The following EXOC6B variants were observed in gnomAD, a reference collection of about 807,000 sequenced individuals.
The protein encoded by EXOC6B is SEC15 homolog B.
EXOC6B carries 54 observed loss-of-function variants against 113.5 expected under a neutral mutation model. That is an observed-to-expected ratio of 0.48 (90% confidence interval 0.38 to 0.60). The LOEUF is 0.60. EXOC6B is among the 20% of genes least tolerant of loss of function. EXOC6B has a pLI of 0.00. For synonymous variants in EXOC6B, 357 were observed against 339.0 expected (o/e 1.05, Z -0.58); for missense variants, 797 against 977.5 (o/e 0.82, Z 2.46).
At chr2:72,796,148 G>A (rs1369650205) in intron 1 of EXOC6B, among the ~76,000 whole-genome samples, 1 of 149,296 alleles carries the variant, frequency 6.7e-6, no homozygotes, top group Non-Finnish European at 1.5e-5. Context: ...AAGTGGAAGA[G>A]GAAGACAAAA....
intron 1 of EXOC6B, among the ~76,000 whole-genome samples, chr2:72,754,605 C>CT (rs961356094): frequency 5.6e-4 from 81 of 145,932 alleles, no homozygotes; most frequent in Non-Finnish European, 9.2e-4. Flanking sequence ...TTTTTAATAG[C>CT]TTTTTTTTTT....
At chr2:72,418,363 C>A (rs1347301177) in intron 18 of EXOC6B, among the ~76,000 whole-genome samples, 1 of 152,144 alleles carries the variant, frequency 6.6e-6, no homozygotes, top group Non-Finnish European at 1.5e-5. Flanking sequence ...CTGGCAACCA[C>A]CATTCTGCTT....
chr2:72,266,127 T>G lies in EXOC6B; in HGVS notation c.2196+68820A>C, dbSNP rs954428234. 9.2e-5 allele frequency among the ~76,000 whole-genome samples: 14 copies of G among 152,270 alleles called. No homozygotes were observed. In the East Asian group the frequency reaches 1.2e-3, roughly 13 times the overall value. On this transcript the variant is annotated intron_variant, in intron 20 of 21. Coordinates refer to ENST00000272427, the MANE Select transcript of EXOC6B (RefSeq NM_015189.3). The stretch of plus-strand genomic sequence containing the variant: ...TTTGTTTTTTTCTTGTAAATTTGTT[T>G]GAGTTCATTGTAGATTCTGGATATT...
At chr2:72,341,892 A>G (rs1298121977) in intron 19 of EXOC6B, among the ~76,000 whole-genome samples, 1 of 152,170 alleles carries the variant, frequency 6.6e-6, no homozygotes, top group Non-Finnish European at 1.5e-5. Flanking sequence ...CATCTTAAGT[A>G]CCTTTTCTGA....
chr2:72,338,594 G>T (rs1233479761), intron 19 of EXOC6B, among the ~76,000 whole-genome samples: 1 of 151,964 alleles, frequency 6.6e-6, no homozygotes, highest in South Asian at 2.1e-4. Flanking sequence ...TATAAAATAG[G>T]TATTTTGTAA....
At position 72,344,826 on chromosome 2, in the gene EXOC6B, A is replaced by AG. The variant is rs530326386; in HGVS notation, c.2123-9807dup. ...AAAAGAAAAAAAAATGAAGAGAAGTAGGGGGAAAAAAAAGCACAAGCCCTT... is the reference window on the plus strand; with the variant it reads ...AAAAGAAAAAAAAATGAAGAGAAGTAGGGGGGAAAAAAAAGCACAAGCCCTT... On this transcript the variant is annotated intron_variant, in intron 19 of 21. Transcript: ENST00000272427. Among the ~76,000 whole-genome samples the AG allele has an allele frequency of 3.2e-3, 483 of 152,176 alleles. 5 individuals are homozygous for AG. Among genetic ancestry groups the AG allele is most frequent in the African/African-American group, 0.011 (438 of 41,530 alleles).
chr2:72,383,413 C>G (rs1691811092), intron 18 of EXOC6B, among the ~76,000 whole-genome samples: 3 of 151,976 alleles, frequency 2.0e-5, no homozygotes, highest in Admixed American at 2.0e-4. Context: ...CGTCACCAAT[C>G]ATTAGAGAAA....
chr2:72,458,016 G>C (rs1697353240), intron 18 of EXOC6B, among the ~76,000 whole-genome samples: 1 of 152,040 alleles, frequency 6.6e-6, no homozygotes, highest in Non-Finnish European at 1.5e-5. Flanking sequence ...CTATGTTGCT[G>C]CTGTGATGTG....
At chr2:72,708,896 A>ATTTTTTTT (rs1159794341) in intron 6 of EXOC6B, among the ~76,000 whole-genome samples, 8 of 69,804 alleles carry the variant, frequency 1.1e-4, no homozygotes, top group Non-Finnish European at 1.5e-4. Flanking sequence ...CATCCAGCTA[A>ATTTTTTTT]TTTTTTTTTT....
At chr2:72,298,706 T>C (rs1686307871) in intron 20 of EXOC6B, among the ~76,000 whole-genome samples, 1 of 152,218 alleles carries the variant, frequency 6.6e-6, no homozygotes, top group Admixed American at 6.5e-5. Flanking sequence ...CAGCATTTGC[T>C]TGTCTGTAAA....
At chr2:72,510,637 T>C (rs1472466684) in intron 11 of EXOC6B, among the ~76,000 whole-genome samples, 1 of 151,536 alleles carries the variant, frequency 6.6e-6, no homozygotes, top group Non-Finnish European at 1.5e-5. Context: ...TTTATTTATA[T>C]ATTAAAAAAG....
At chr2:72,757,998 C>T (rs534066716) in intron 1 of EXOC6B, among the ~76,000 whole-genome samples, 3 of 151,814 alleles carry the variant, frequency 2.0e-5, no homozygotes, top group African/African-American at 7.2e-5. Context: ...CCAATCTCTA[C>T]AAAAGGTTAT....
chr2:72,740,630 G>A (rs984983125), intron 2 of EXOC6B, among the ~76,000 whole-genome samples: 2 of 152,110 alleles, frequency 1.3e-5, no homozygotes. Flanking sequence ...GGCCTAGGTG[G>A]CATGCTACAA....
At chr2:72,563,843 G>C (rs1183472577) in intron 7 of EXOC6B, among the ~76,000 whole-genome samples, 1 of 152,008 alleles carries the variant, frequency 6.6e-6, no homozygotes, top group Non-Finnish European at 1.5e-5. Context: ...GGCACATGAG[G>C]AAAACGCCTT....
rs539773718 is a variant in EXOC6B at position 72,423,246 on chromosome 2, C to T, written c.1980+41914G>A. 8.2e-4 allele frequency among the ~76,000 whole-genome samples: 125 copies of T among 152,034 alleles called. 1 individual carries two copies. Among genetic ancestry groups the T allele is most frequent in the African/African-American group, 2.7e-3 (113 of 41,446 alleles). On this transcript the variant is annotated intron_variant, in intron 18 of 21. Coordinates refer to ENST00000272427, the MANE Select transcript of EXOC6B (RefSeq NM_015189.3). The stretch of plus-strand genomic sequence containing the variant: ...TGAGCCAGCGAGACCACGAACCCAC[C>T]AGAAGGAAGAAACTCCGAACACATC...
At chr2:72,365,771 A>G (rs1026451601) in intron 19 of EXOC6B, among the ~76,000 whole-genome samples, 1 of 152,180 alleles carries the variant, frequency 6.6e-6, no homozygotes, top group Non-Finnish European at 1.5e-5. Context: ...AGAATCTGTG[A>G]AAGTCTTACA....
intron 6 of EXOC6B, among the ~76,000 whole-genome samples, chr2:72,679,882 T>A (rs932816277): frequency 3.9e-5 from 6 of 152,212 alleles, no homozygotes; most frequent in African/African-American, 1.4e-4. Context: ...GCACAGACTC[T>A]GAACAAATGA....
At chr2:72,624,220 G>A (rs2104212704) in intron 6 of EXOC6B, among the ~76,000 whole-genome samples, 1 of 151,936 alleles carries the variant, frequency 6.6e-6, no homozygotes, top group Admixed American at 6.6e-5. Context: ...GGGCTCAAGT[G>A]ATCCGCCCAT....
intron 1 of EXOC6B, among the ~76,000 whole-genome samples, chr2:72,772,209 G>GC (rs1256624434): frequency 6.6e-6 from 1 of 152,138 alleles, no homozygotes; most frequent in African/African-American, 2.4e-5. Context: ...GGGGACCCCA[G>GC]CCCCAGGCCT....
Sources: gnomAD v4.1 joint callset for allele counts (sites outside exome capture counted in the v4.1 genomes callset) on GRCh38, gnomAD v4.1.1 for gene constraint, MANE v1.5 for transcripts, NCBI Gene and HGNC (gene_info 2026-07-23, HGNC 2026-07-21) for gene names.